Variants in AGPAT3 observed in about 807,000 individuals in gnomAD.
AGPAT3 encodes the protein 1-acyl-sn-glycerol-3-phosphate acyltransferase gamma.
AGPAT3 carries 5 observed loss-of-function variants against 47.3 expected under a neutral mutation model. The observed-to-expected ratio is 0.11, with a 90% CI of 0.06 to 0.22. The LOEUF (loss-of-function observed/expected upper bound fraction) is 0.22, where lower values mean the gene tolerates loss of function less well. AGPAT3 is among the 10% of genes least tolerant of loss of function. The pLI, the probability that AGPAT3 is intolerant of heterozygous loss-of-function variation, is 1.00. For synonymous variants in AGPAT3, 212 were observed against 208.3 expected, an observed-to-expected ratio of 1.02 and a Z score of -0.15; for missense variants, 315 against 493.0, an observed-to-expected ratio of 0.64 and a Z score of 3.42.
At chr21:43,881,407 A>T (rs2085851135) in intron 1 of AGPAT3, among the ~76,000 whole-genome samples, 1 of 152,204 alleles carries the variant, frequency 6.6e-6, no homozygotes, top group African/African-American at 2.4e-5. Flanking sequence ...GGTGGGAAGG[A>T]TGTCGCCCTC....
chr21:43,872,285 A>G (rs769645683), intron 1 of AGPAT3, among the ~76,000 whole-genome samples: 5 of 150,268 alleles, frequency 3.3e-5, no homozygotes, highest in Middle Eastern at 3.4e-3. Flanking sequence ...GGTTCAAGTG[A>G]TTTTCCTGCT....
chr21:43,923,052 T>C (rs1347777018), intron 2 of AGPAT3, among the ~76,000 whole-genome samples: 1 of 152,162 alleles, frequency 6.6e-6, no homozygotes, highest in African/African-American at 2.4e-5. Context: ...GCTGCAGGTG[T>C]CTGTGCTGGC....
In AGPAT3 at chr21:43,939,259, C is replaced by T. The variant is rs2087565138; in HGVS notation, c.-48-20375C>T. 6.6e-6 allele frequency among the ~76,000 whole-genome samples: 1 copy of T among 152,128 alleles called. No individual in the cohort carries two copies. The highest frequency in any genetic ancestry group is 2.1e-4 in the South Asian group (1 of 4,830). On this transcript the variant is annotated intron_variant, in intron 2 of 9. Coordinates refer to ENST00000291572, the MANE Select transcript of AGPAT3 (RefSeq NM_020132.5). This position sits in a 1 kb window ranked among gnomAD's most constrained non-coding sequence, Gnocchi z 4.4. Reference sequence around the variant, plus strand: ...TCCCTTAGGAACACCCCATCCCCGTCCCCGTGTGCTGTCGAGGGCCTCTAG... The same window carrying T: ...TCCCTTAGGAACACCCCATCCCCGTTCCCGTGTGCTGTCGAGGGCCTCTAG...
chr21:43,970,276 G>A lies in AGPAT3; in HGVS notation c.511-377G>A, dbSNP rs1239882262. The stretch of plus-strand genomic sequence containing the variant: ...CCGCCTCGGCCTCCTAAAGTGCTGG[G>A]ATTACAGGGGTGAGCCACCACGCCC... On this transcript the variant is annotated intron_variant, in intron 5 of 9. Coordinates refer to ENST00000291572, the MANE Select transcript of AGPAT3 (RefSeq NM_020132.5). The surrounding 1 kb of genome is among the most constrained non-coding windows in gnomAD (Gnocchi z 5.8). Among the ~76,000 whole-genome samples, 1 of 152,184 alleles carries A rather than the reference G, an allele frequency of 6.6e-6. No individual in the cohort carries two copies. The highest frequency in any genetic ancestry group is 1.5e-5 in the Non-Finnish European group (1 of 68,034).
intron 2 of AGPAT3, among the ~76,000 whole-genome samples, chr21:43,912,403 G>A (rs1301033369): frequency 1.3e-5 from 2 of 152,256 alleles, no homozygotes; most frequent in Admixed American, 1.3e-4. Context: ...AGCGAGGATG[G>A]CAGGCAGCCC....
intron 2 of AGPAT3, among the ~76,000 whole-genome samples, chr21:43,959,228 ATGTGGTGTGTG>A (rs1172523333): frequency 4.6e-5 from 2 of 43,836 alleles, no homozygotes; most frequent in African/African-American, 2.0e-4. Flanking sequence ...GGGGTTTGTG[ATGTGGTGTGTG>A]TGTGGTGTGT....
intron 1 of AGPAT3, among the ~76,000 whole-genome samples, chr21:43,903,722 G>C (rs1164309380): frequency 2.0e-5 from 3 of 152,206 alleles, no homozygotes; most frequent in Admixed American, 2.0e-4. Context: ...TGAGCCATCT[G>C]TTGGGCCTCC....
At chr21:43,935,168 A>G (rs2087397184) in intron 2 of AGPAT3, among the ~76,000 whole-genome samples, 1 of 152,242 alleles carries the variant, frequency 6.6e-6, no homozygotes, top group Admixed American at 6.5e-5. Flanking sequence ...CCAAGTCACC[A>G]AAGTGCCGTG....
intron 1 of AGPAT3, among the ~76,000 whole-genome samples, chr21:43,886,466 G>A (rs1939821558): frequency 6.6e-6 from 1 of 152,044 alleles, no homozygotes; most frequent in South Asian, 2.1e-4. Context: ...TGGCCAGGCT[G>A]GTCTCGAACT....
rs776647329 is a variant in AGPAT3, at chr21:43,982,418, G to A, written c.*26G>A. 19 of 1,544,736 alleles carry A rather than the reference G, an allele frequency of 1.2e-5. No homozygotes were observed. Among genetic ancestry groups the A allele is most frequent in the Admixed American group, 1.7e-5 (1 of 59,518 alleles). ...TTAATGGCTGTGACTGAACACACGC[G>A]GCCCTGACGGTGGTATCCAGTTAAC... is the stretch of plus-strand genomic sequence containing the variant. On this transcript the variant is annotated 3_prime_UTR_variant, in exon 10 of 10. Coordinates refer to ENST00000291572, the MANE Select transcript of AGPAT3 (RefSeq NM_020132.5). This position sits in a 1 kb window ranked among gnomAD's most constrained non-coding sequence, Gnocchi z 6.2.
At chr21:43,959,900 CGTGG>C in intron 3 of AGPAT3, 41 bp downstream of exon 3, 1 of 1,561,184 alleles carries the variant, frequency 6.4e-7, no homozygotes, top group Non-Finnish European at 8.6e-7. Context: ...CTGGGGCTCC[CGTGG>C]GGGTGGCGCG....
At chr21:43,925,459 C>G (rs999490157) in intron 2 of AGPAT3, 10 of 152,444 alleles carry the variant, frequency 6.6e-5, no homozygotes, top group African/African-American at 2.4e-4. Flanking sequence ...AAGGTAAGGA[C>G]AGCGGGGCTG....
Position 43,932,483 on chromosome 21 carries a change from C to T in AGPAT3, c.-48-27151C>T, listed in dbSNP as rs149646097. ...TGAATAATAACACGGCGTTACGCAC[C>T]GCACGCTCGCTATCCATTCGTCTGT... On this transcript the variant is annotated intron_variant, in intron 2 of 9. Transcript: ENST00000291572. The surrounding 1 kb of genome is among the most constrained non-coding windows in gnomAD (Gnocchi z 5.2). 4.6e-5 allele frequency among the ~76,000 whole-genome samples: 7 copies of T among 152,304 alleles called. No individual in the cohort carries two copies. The highest frequency in any genetic ancestry group is 1.0e-4 in the Non-Finnish European group (7 of 68,028).
Position 43,882,407 on chromosome 21 carries a change from T to TG in AGPAT3, c.-112+17064dup, listed in dbSNP as rs770195047. Reference sequence around the variant, plus strand: ...CACGCGTTTGCACTGGGAGATGAAGTGGTCCCTGTTGGCTCAAGCTGCAGT... The same window carrying TG: ...CACGCGTTTGCACTGGGAGATGAAGTGGGTCCCTGTTGGCTCAAGCTGCAGT... On this transcript the variant is annotated intron_variant, in intron 1 of 9. Transcript: ENST00000291572. The TG allele has an allele frequency of 2.0e-5, 3 of 152,314 alleles. No homozygotes were observed. In the East Asian group the frequency reaches 5.8e-4, roughly 29 times the overall value. The allele number at this position is 152,314 out of a possible 1,614,324, so 9.4% of individuals were successfully genotyped here. A position where few individuals can be genotyped will look rare whatever the true frequency, so the allele number is the denominator to read the frequency against.
At position 43,970,545 on chromosome 21, in the gene AGPAT3, A is replaced by G. The variant is rs959093113; in HGVS notation, c.511-108A>G. 1.8e-5 allele frequency: 23 copies of G among 1,278,858 alleles called. No individual in the cohort carries two copies. In the East Asian group the frequency reaches 3.4e-4, roughly 19 times the overall value. The allele number at this position is 1,278,858 out of a possible 1,614,324, so 79.2% of individuals were successfully genotyped here. A position where few individuals can be genotyped will look rare whatever the true frequency, so the allele number is the denominator to read the frequency against. On this transcript the variant is annotated intron_variant, in intron 5 of 9. Transcript: ENST00000291572. This position sits in a 1 kb window ranked among gnomAD's most constrained non-coding sequence, Gnocchi z 5.8. ...TCGCTAAAGCGGTTCCAAGATTTCC[A>G]CAAATTCAGCCACAACCTTTGCTGC...
intron 1 of AGPAT3, among the ~76,000 whole-genome samples, chr21:43,889,146 T>A (rs1217866871): frequency 6.6e-6 from 1 of 152,190 alleles, no homozygotes; most frequent in Non-Finnish European, 1.5e-5. Flanking sequence ...TCCTTAGATT[T>A]CTATTGACTT....
chr21:43,967,660 C>T (rs1222452514), intron 3 of AGPAT3: 2 of 384,136 alleles, frequency 5.2e-6, no homozygotes, highest in Non-Finnish European at 9.5e-6. Flanking sequence ...CTCGGCCACA[C>T]CAAGGTGCAC....
chr21:43,917,241 C>T (rs1318326162), intron 2 of AGPAT3, among the ~76,000 whole-genome samples: 1 of 151,916 alleles, frequency 6.6e-6, no homozygotes. Flanking sequence ...GCACATCCGC[C>T]CCTCTGGGTG....
At chr21:43,950,576 A>T (rs2088143376) in intron 2 of AGPAT3, 2 of 152,262 alleles carry the variant, frequency 1.3e-5, no homozygotes, top group Admixed American at 6.5e-5. Flanking sequence ...CTCTCTCAGC[A>T]TTCGGACGAG....
Sources: gnomAD v4.1 joint callset for allele counts (sites outside exome capture counted in the v4.1 genomes callset) on GRCh38, gnomAD v4.1.1 for gene constraint, Gnocchi (gnomAD v3.1) non-coding constraint, MANE v1.5 for transcripts, NCBI Gene and HGNC (gene_info 2026-07-23, HGNC 2026-07-21) for gene names.